The following SLIT3 variants were observed in gnomAD, a reference collection of about 807,000 sequenced individuals.
SLIT3 encodes slit homolog 3 protein.
In SLIT3, 68 loss-of-function variants were observed where a neutral mutation model predicts 184.0. That is an observed-to-expected ratio of 0.37 (90% confidence interval 0.30 to 0.45). The LOEUF (loss-of-function observed/expected upper bound fraction) is 0.45, where lower values mean the gene tolerates loss of function less well. SLIT3 is among the 20% of genes least tolerant of loss of function. The pLI is 1.00. For synonymous variants in SLIT3, 831 were observed against 828.6 expected, an observed-to-expected ratio of 1.00 and a Z score of -0.05; for missense variants, 1,707 against 2,026.0, an observed-to-expected ratio of 0.84 and a Z score of 3.02.
intron 35 of SLIT3, among the ~76,000 whole-genome samples, chr5:168,668,621 GTC>G (rs1228475681): frequency 4.6e-5 from 7 of 152,230 alleles, no homozygotes; most frequent in African/African-American, 1.7e-4. Context: ...GACAGGGTCT[GTC>G]TCTGTCACCT....
At chr5:168,998,893 CTG>C (rs71575505) in intron 4 of SLIT3, among the ~76,000 whole-genome samples, 478 of 142,638 alleles carry the variant, frequency 3.4e-3, no homozygotes, top group East Asian at 6.4e-3. Flanking sequence ...ACCCAGAAAT[CTG>C]TGTGTGTGTG....
intron 4 of SLIT3, among the ~76,000 whole-genome samples, chr5:169,053,102 C>T (rs533660644): frequency 2.9e-4 from 44 of 152,354 alleles, no homozygotes; most frequent in African/African-American, 1.1e-3. Flanking sequence ...GCTTCCTGCG[C>T]ATGCTAATGC....
At chr5:168,734,534 C>A (rs1051393134) in intron 20 of SLIT3, among the ~76,000 whole-genome samples, 2 of 152,182 alleles carry the variant, frequency 1.3e-5, no homozygotes, top group Non-Finnish European at 2.9e-5. Flanking sequence ...CCACACCTAC[C>A]AATGATATTA....
chr5:168,909,383 C>T (rs1761183015), intron 4 of SLIT3, among the ~76,000 whole-genome samples: 1 of 152,126 alleles, frequency 6.6e-6, no homozygotes, highest in African/African-American at 2.4e-5. Context: ...TCCAGATATC[C>T]ATCAATTTAG....
At chr5:169,228,486 C>T (rs1039356766) in intron 3 of SLIT3, among the ~76,000 whole-genome samples, 1 of 152,184 alleles carries the variant, frequency 6.6e-6, no homozygotes, top group African/African-American at 2.4e-5. Flanking sequence ...GGGCCTCAAA[C>T]TGTTGGAAGC....
At chr5:168,889,712 C>T (rs911397047) in intron 4 of SLIT3, among the ~76,000 whole-genome samples, 1 of 152,182 alleles carries the variant, frequency 6.6e-6, no homozygotes, top group African/African-American at 2.4e-5. Context: ...ATGTGTTCCA[C>T]TATGGTTGAA....
At position 169,043,654 on chromosome 5, in the gene SLIT3, T is replaced by G. The variant is rs1228246727; in HGVS notation, c.413+149825A>C. On this transcript the variant is annotated intron_variant, in intron 4 of 35. Transcript: ENST00000519560. ...ATGTGATTATGCTCTGATTTTAATT[T>G]CTTTCAAACAAGAGCTCTTTGTATA... Among the ~76,000 whole-genome samples, 6 of 152,368 alleles carry G rather than the reference T, an allele frequency of 3.9e-5. No individual in the cohort carries two copies. The East Asian group carries it at 1.2e-3, about 29-fold the overall frequency.
At chr5:169,157,764 T>C (rs1179438204) in intron 4 of SLIT3, among the ~76,000 whole-genome samples, 2 of 152,144 alleles carry the variant, frequency 1.3e-5, no homozygotes, top group Non-Finnish European at 2.9e-5. Context: ...GCTAGAAATG[T>C]TTTTATGAAC....
intron 3 of SLIT3, among the ~76,000 whole-genome samples, chr5:169,219,554 G>C (rs1165340230): frequency 2.6e-5 from 4 of 152,054 alleles, no homozygotes; most frequent in Non-Finnish European, 2.9e-5. Flanking sequence ...TGTCCATCCT[G>C]TTTGGGTGGG....
chr5:169,048,264 G>A (rs1757693752), intron 4 of SLIT3, among the ~76,000 whole-genome samples: 2 of 152,162 alleles, frequency 1.3e-5, no homozygotes, highest in Non-Finnish European at 2.9e-5. Context: ...TCCTTAAACG[G>A]AGAATCATAA....
At chr5:169,251,334 G>A (rs372323225) in intron 2 of SLIT3, 54 bp downstream of exon 2, 1 of 1,257,456 alleles carries the variant, frequency 8.0e-7, no homozygotes, top group Non-Finnish European at 1.2e-6. Context: ...ACATTTTTTT[G>A]TGAGGCTGAA....
In SLIT3 at chr5:168,701,327, G is replaced by C. The variant is rs141709377; in HGVS notation, c.2845-648C>G. ...TCTCCTACAAAGTGACAACCCCAGAGAACCATCCTTGATTGATCTGGAGTG... is the reference window on the plus strand; with the variant it reads ...TCTCCTACAAAGTGACAACCCCAGACAACCATCCTTGATTGATCTGGAGTG... On this transcript the variant is annotated intron_variant, in intron 26 of 35. Coordinates refer to ENST00000519560, the MANE Select transcript of SLIT3 (RefSeq NM_003062.4). Among the ~76,000 whole-genome samples the C allele has an allele frequency of 3.4e-3, 524 of 152,312 alleles. 3 individuals are homozygous for C. Among genetic ancestry groups the C allele is most frequent in the African/African-American group, 0.012 (486 of 41,566 alleles).
chr5:168,773,908 A>C (rs543751202), intron 13 of SLIT3, among the ~76,000 whole-genome samples: 2 of 152,286 alleles, frequency 1.3e-5, no homozygotes, highest in East Asian at 1.9e-4. Context: ...CCTGCTCCTT[A>C]CTAGCTGTGT....
At chr5:168,871,532 C>T (rs1156988492) in intron 5 of SLIT3, among the ~76,000 whole-genome samples, 1 of 151,984 alleles carries the variant, frequency 6.6e-6, no homozygotes, top group Non-Finnish European at 1.5e-5. Context: ...CCATTAGAAG[C>T]CATATGCCGG....
intron 9 of SLIT3, among the ~76,000 whole-genome samples, chr5:168,805,051 T>G (rs1756908787): frequency 6.6e-6 from 1 of 152,236 alleles, no homozygotes; most frequent in Non-Finnish European, 1.5e-5. Flanking sequence ...ATTTTATTTT[T>G]CTCCACAGAA....
intron 4 of SLIT3, among the ~76,000 whole-genome samples, chr5:169,042,179 A>G (rs547621929): frequency 6.6e-6 from 1 of 152,350 alleles, no homozygotes; most frequent in Admixed American, 6.5e-5. Context: ...TCACACTTCC[A>G]GACAGTGACA....
intron 1 of SLIT3, among the ~76,000 whole-genome samples, chr5:169,272,997 C>T (rs1348330684): frequency 5.3e-5 from 8 of 152,148 alleles, no homozygotes; most frequent in African/African-American, 1.4e-4. Flanking sequence ...CTCAAGTAGC[C>T]GTGTGTGTTT....
Position 168,833,303 on chromosome 5 carries a change from C to A in SLIT3, c.558-9972G>T, listed in dbSNP as rs181493545. 6.0e-3 allele frequency among the ~76,000 whole-genome samples: 914 copies of A among 152,268 alleles called. 6 individuals carry two copies. The highest frequency in any genetic ancestry group is 0.014 in the Middle Eastern group (4 of 294). ...GAGGCTCTGTTCCTGGGCTGAGATG[C>A]CAGAGAGGTCCTGCTTTTTATCCTC... is the stretch of plus-strand genomic sequence containing the variant. On this transcript the variant is annotated intron_variant, in intron 6 of 35. Coordinates refer to ENST00000519560, the MANE Select transcript of SLIT3 (RefSeq NM_003062.4).
intron 3 of SLIT3, among the ~76,000 whole-genome samples, chr5:169,226,917 G>A (rs1358327380): frequency 6.6e-6 from 1 of 151,202 alleles, no homozygotes; most frequent in Admixed American, 6.6e-5. Context: ...ATGCCTCAAT[G>A]AGATATATAC....
Sources: allele counts gnomAD v4.1 joint callset (sites outside exome capture counted in the v4.1 genomes callset), GRCh38; gene constraint gnomAD v4.1.1; transcripts MANE v1.5; gene names NCBI Gene and HGNC (gene_info 2026-07-23, HGNC 2026-07-21).